Variants in ITPR2 observed in about 807,000 individuals in gnomAD.
The protein encoded by ITPR2 is inositol 1,4,5-trisphosphate receptor type 2.
In ITPR2, 207 loss-of-function variants were observed where a neutral mutation model predicts 317.1. The ratio of observed to expected loss-of-function variants is 0.65; its 90% CI spans 0.58 to 0.73. ITPR2 has a LOEUF of 0.73. ITPR2 is among the 30% of genes least tolerant of loss of function. The pLI is 0.00. For missense variants in ITPR2, 2,613 were observed against 3,284.0 expected, an observed-to-expected ratio of 0.80 and a Z score of 4.99; for synonymous variants, 1,156 against 1,149.1, an observed-to-expected ratio of 1.01 and a Z score of -0.12.
chr12:26,739,300 A>G (rs1346517401), intron 2 of ITPR2, among the ~76,000 whole-genome samples: 1 of 152,248 alleles, frequency 6.6e-6, no homozygotes, highest in Non-Finnish European at 1.5e-5. Flanking sequence ...ATCCCATTCC[A>G]AGATGTCTAC....
At chr12:26,827,192 C>T (rs1363666427) in intron 1 of ITPR2, among the ~76,000 whole-genome samples, 1 of 152,128 alleles carries the variant, frequency 6.6e-6, no homozygotes, top group African/African-American at 2.4e-5. Context: ...TAAGTCAATA[C>T]AAGTATTTCT....
intron 2 of ITPR2, among the ~76,000 whole-genome samples, chr12:26,784,861 G>A (rs1325011546): frequency 1.0e-4 from 14 of 134,122 alleles, no homozygotes; most frequent in Admixed American, 7.6e-5. Context: ...GGTGAGGAGC[G>A]TCTCTGCCCG....
chr12:26,487,808 T>C (rs192817595), intron 39 of ITPR2, among the ~76,000 whole-genome samples: 171 of 152,330 alleles, frequency 1.1e-3, no homozygotes, highest in South Asian at 6.6e-3. Flanking sequence ...CACATTTAAT[T>C]TGGAAAGTGT....
At chr12:26,797,146 T>TA (rs1439473876) in intron 1 of ITPR2, among the ~76,000 whole-genome samples, 1 of 151,858 alleles carries the variant, frequency 6.6e-6, no homozygotes, top group Non-Finnish European at 1.5e-5. Flanking sequence ...CTCAAAAACA[T>TA]AAAGTTGAGC....
intron 39 of ITPR2, 32 bp from the exon 40 acceptor site, chr12:26,487,283 C>T (rs1201505937): frequency 2.0e-6 from 3 of 1,497,662 alleles, no homozygotes; most frequent in Non-Finnish European, 2.7e-6. Context: ...GACATCAATA[C>T]CCAAGGGGAG....
Position 26,337,187 on chromosome 12 carries a change from A to T in ITPR2, c.*2210T>A, listed in dbSNP as rs1219598648. On this transcript the variant is annotated 3_prime_UTR_variant, in exon 57 of 57. Transcript: ENST00000381340. ...GTTGGGGACATTAGGTCATTTCTAG[A>T]AAGCAATTATATACACCTAATGGCT... 1.3e-5 allele frequency: 2 copies of T among 152,160 alleles called. No homozygotes were observed. The highest frequency in any genetic ancestry group is 2.9e-5 in the Non-Finnish European group (2 of 68,026). 9.4% of individuals were successfully genotyped at this position (152,160 alleles called of 1,614,324 possible).
intron 21 of ITPR2, chr12:26,649,557 T>C (rs879440731): frequency 6.6e-6 from 1 of 152,172 alleles, no homozygotes; most frequent in Non-Finnish European, 1.5e-5. Context: ...CTGAAACAGT[T>C]TCTCAGCCTT....
chr12:26,475,691 T>G (rs1565547818), intron 44 of ITPR2, among the ~76,000 whole-genome samples: 1 of 152,104 alleles, frequency 6.6e-6, no homozygotes, highest in Non-Finnish European at 1.5e-5. Context: ...CCAATAAACA[T>G]CCATTATTTA....
chr12:26,810,557 G>A (rs1278752462), intron 1 of ITPR2, among the ~76,000 whole-genome samples: 3 of 152,196 alleles, frequency 2.0e-5, no homozygotes, highest in East Asian at 3.8e-4. Flanking sequence ...CAGGGCTGTC[G>A]CTGGGCCAGT....
At chr12:26,390,590 G>A (rs569293485) in intron 54 of ITPR2, among the ~76,000 whole-genome samples, 35 of 152,256 alleles carry the variant, frequency 2.3e-4, no homozygotes, top group Admixed American at 6.5e-4. Context: ...AGAGATGGAA[G>A]GTTAGGGATC....
intron 5 of ITPR2, chr12:26,721,364 T>A (rs770764907): frequency 1.7e-6 from 1 of 599,728 alleles, no homozygotes; most frequent in Non-Finnish European, 3.1e-6. Flanking sequence ...AATTTGTATT[T>A]CAAAATTCAC....
At chr12:26,408,391 G>A (rs1940427615) in intron 52 of ITPR2, among the ~76,000 whole-genome samples, 1 of 152,170 alleles carries the variant, frequency 6.6e-6, no homozygotes, top group Non-Finnish European at 1.5e-5. Context: ...AGATCAAAAT[G>A]TCACAATAGT....
At chr12:26,752,959 A>T (rs1336402475) in intron 2 of ITPR2, among the ~76,000 whole-genome samples, 1 of 152,124 alleles carries the variant, frequency 6.6e-6, no homozygotes, top group Non-Finnish European at 1.5e-5. Context: ...GGGTCCAGTA[A>T]CATCTTTCTG....
At chr12:26,772,876 G>A (rs11829176) in intron 2 of ITPR2, among the ~76,000 whole-genome samples, 2 of 151,738 alleles carry the variant, frequency 1.3e-5, no homozygotes, top group Non-Finnish European at 2.9e-5. Flanking sequence ...CATGCATTAG[G>A]TATTTGTCCT....
chr12:26,451,428 C>A (rs1423161975), intron 45 of ITPR2, among the ~76,000 whole-genome samples: 2 of 148,684 alleles, frequency 1.3e-5, no homozygotes, highest in Non-Finnish European at 3.0e-5. Context: ...GGAACTGATG[C>A]CTTCCCTCCC....
At chr12:26,784,381 C>G (rs533542169) in intron 2 of ITPR2, among the ~76,000 whole-genome samples, 2 of 139,766 alleles carry the variant, frequency 1.4e-5, no homozygotes, top group African/African-American at 5.4e-5. Flanking sequence ...TCTCCTTCCA[C>G]GGTCTCCCTC....
chr12:26,485,170 G>C (rs1453776499), intron 41 of ITPR2, among the ~76,000 whole-genome samples: 1 of 152,036 alleles, frequency 6.6e-6, no homozygotes, highest in African/African-American at 2.4e-5. Context: ...TTTTCTCTGG[G>C]GAGTAAACCT....
intron 26 of ITPR2, among the ~76,000 whole-genome samples, chr12:26,612,638 A>G (rs989042681): frequency 6.6e-6 from 1 of 152,206 alleles, no homozygotes; most frequent in African/African-American, 2.4e-5. Context: ...ACCCATTTGC[A>G]TACATTTCTA....
intron 55 of ITPR2, among the ~76,000 whole-genome samples, chr12:26,348,777 TG>T (rs150530619): frequency 0.017 from 2,592 of 152,280 alleles, 43 homozygotes; most frequent in Non-Finnish European, 0.024. Flanking sequence ...TGCTTGAGCC[TG>T]GGAGTTTGAG....
Sources: gnomAD v4.1 joint callset for allele counts (sites outside exome capture counted in the v4.1 genomes callset) on GRCh38, gnomAD v4.1.1 for gene constraint, MANE v1.5 for transcripts, NCBI Gene and HGNC (gene_info 2026-07-23, HGNC 2026-07-21) for gene names.